CTNNA3: variants seen among roughly 807,000 people sequenced by gnomAD.
The protein encoded by CTNNA3 is catenin alpha-3.
A neutral mutation model predicts 95.7 loss-of-function variants in CTNNA3; 76 were observed. The ratio of observed to expected loss-of-function variants is 0.79; its 90% confidence interval spans 0.66 to 0.96. CTNNA3 has a LOEUF of 0.96. CTNNA3 is among the 40% of genes least tolerant of loss of function. The pLI is 0.00. For synonymous variants in CTNNA3, 431 were observed against 374.4 expected (o/e 1.15, Z -1.74); for missense variants, 1,191 against 1,089.8 (o/e 1.09, Z -1.31).
At chr10:67,385,276 C>T (rs1844109720) in intron 5 of CTNNA3, among the ~76,000 whole-genome samples, 2 of 152,246 alleles carry the variant, frequency 1.3e-5, no homozygotes, top group Admixed American at 1.3e-4. Flanking sequence ...GCCATCTGCA[C>T]ACTTGTGGTT....
intron 2 of CTNNA3, among the ~76,000 whole-genome samples, chr10:67,612,552 G>C (rs1346835194): frequency 3.3e-5 from 5 of 152,102 alleles, no homozygotes; most frequent in African/African-American, 4.8e-5. Context: ...GGTAAACACA[G>C]GCAATAGGGT....
intron 13 of CTNNA3, among the ~76,000 whole-genome samples, chr10:66,271,033 T>C (rs1285169038): frequency 6.6e-6 from 1 of 152,180 alleles, no homozygotes; most frequent in East Asian, 1.9e-4. Context: ...CATTGAGCTG[T>C]TGTATTCTCC....
At position 66,032,153 on chromosome 10, in the gene CTNNA3, T is replaced by C. The variant is rs11814987; in HGVS notation, c.2159+37155A>G. On this transcript the variant is annotated intron_variant, in intron 15 of 17. Transcript: ENST00000433211. ...AGTGGGAGAGGACATTTTTAAAAAA[T>C]ATATCCTTACATATTATTAGATTTT... Among the ~76,000 whole-genome samples, 1,303 of 152,296 alleles carry C rather than the reference T, an allele frequency of 8.6e-3. 8 individuals carry two copies. Among genetic ancestry groups the C allele is most frequent in the Non-Finnish European group, 0.016 (1,055 of 68,012 alleles).
chr10:67,018,609 C>T (rs1000170137), intron 7 of CTNNA3, among the ~76,000 whole-genome samples: 2 of 152,186 alleles, frequency 1.3e-5, no homozygotes, highest in African/African-American at 4.8e-5. Flanking sequence ...AGTCTGTGGG[C>T]TCTGGAGCCA....
chr10:66,317,144 T>C (rs2092112622), intron 12 of CTNNA3, among the ~76,000 whole-genome samples: 1 of 152,098 alleles, frequency 6.6e-6, no homozygotes, highest in Admixed American at 6.5e-5. Flanking sequence ...GACAATAAGA[T>C]AAAATACAAA....
At chr10:66,389,378 G>C (rs1011751835) in intron 11 of CTNNA3, among the ~76,000 whole-genome samples, 8 of 152,094 alleles carry the variant, frequency 5.3e-5, no homozygotes, top group African/African-American at 1.7e-4. Context: ...CAGAGTATCA[G>C]CTTAACATTT....
At chr10:67,193,182 C>G (rs1863197397) in intron 6 of CTNNA3, among the ~76,000 whole-genome samples, 1 of 151,826 alleles carries the variant, frequency 6.6e-6, no homozygotes, top group Non-Finnish European at 1.5e-5. Flanking sequence ...TTCTGGGGAT[C>G]TAATGTACAA....
At chr10:67,659,446 C>T (rs772403288) in intron 1 of CTNNA3, among the ~76,000 whole-genome samples, 31 of 152,298 alleles carry the variant, frequency 2.0e-4, no homozygotes, top group Non-Finnish European at 3.5e-4. Flanking sequence ...TGGTCAGTTA[C>T]TCTATGTAGC....
At chr10:66,273,078 T>C (rs1034055698) in intron 13 of CTNNA3, among the ~76,000 whole-genome samples, 3 of 152,226 alleles carry the variant, frequency 2.0e-5, no homozygotes, top group African/African-American at 7.2e-5. Context: ...ACTGTAGATC[T>C]TAGTAACCTT....
chr10:67,694,724 A>G (rs1402782697), intron 1 of CTNNA3, among the ~76,000 whole-genome samples: 1 of 152,146 alleles, frequency 6.6e-6, no homozygotes, highest in Non-Finnish European at 1.5e-5. Context: ...AATTTTATCT[A>G]TACTATTATT....
At chr10:67,729,766 C>G (rs978469452) in intron 1 of CTNNA3, among the ~76,000 whole-genome samples, 3 of 151,998 alleles carry the variant, frequency 2.0e-5, no homozygotes, top group African/African-American at 7.2e-5. Context: ...CATTTTAGAA[C>G]TAGATAGAGG....
Position 66,352,827 on chromosome 10 carries a change from C to A in CTNNA3, c.1732+26325G>T, listed in dbSNP as rs1237491651. ...TATTATGCACTATATTCTTATCTGG[C>A]AAAACTATTTTTAAAAGAAATAACA... On this transcript the variant is annotated intron_variant, in intron 12 of 17. Coordinates refer to ENST00000433211, the MANE Select transcript of CTNNA3 (RefSeq NM_013266.4). Among the ~76,000 whole-genome samples, 7 of 152,030 alleles carry A rather than the reference C, an allele frequency of 4.6e-5. No homozygotes were observed. The South Asian group carries it at 1.0e-3, about 23-fold the overall frequency.
At chr10:66,855,414 A>C (rs1843651809) in intron 7 of CTNNA3, among the ~76,000 whole-genome samples, 2 of 152,004 alleles carry the variant, frequency 1.3e-5, no homozygotes, top group African/African-American at 4.8e-5. Context: ...AATTAATATG[A>C]TAAGTGTAAT....
At chr10:67,168,985 C>T (rs1861899118) in intron 7 of CTNNA3, among the ~76,000 whole-genome samples, 2 of 152,094 alleles carry the variant, frequency 1.3e-5, no homozygotes, top group Admixed American at 6.6e-5. Flanking sequence ...TATTCCTACA[C>T]ACCAATAACA....
At chr10:67,337,652 T>C (rs1028416284) in intron 5 of CTNNA3, among the ~76,000 whole-genome samples, 1 of 152,088 alleles carries the variant, frequency 6.6e-6, no homozygotes, top group Non-Finnish European at 1.5e-5. Flanking sequence ...TTAATAGGTC[T>C]AACTTCATTG....
chr10:66,628,023 C>T (rs975282433), intron 9 of CTNNA3, among the ~76,000 whole-genome samples: 1 of 152,076 alleles, frequency 6.6e-6, no homozygotes, highest in Admixed American at 6.6e-5. Flanking sequence ...CACACTCTCG[C>T]ATTATAGCGA....
intron 7 of CTNNA3, among the ~76,000 whole-genome samples, chr10:67,048,156 C>A (rs1040154900): frequency 2.0e-5 from 3 of 152,062 alleles, no homozygotes; most frequent in Non-Finnish European, 4.4e-5. Context: ...TACCTCTGTT[C>A]ATCCCCTGCC....
At chr10:66,087,136 TGG>T (rs2081014178) in intron 14 of CTNNA3, among the ~76,000 whole-genome samples, 3 of 152,034 alleles carry the variant, frequency 2.0e-5, no homozygotes, top group Non-Finnish European at 2.9e-5. Context: ...AAAAGATTTG[TGG>T]GCTATGTAAA....
chr10:66,732,720 AT>A (rs1848999935), intron 9 of CTNNA3, among the ~76,000 whole-genome samples: 1 of 152,088 alleles, frequency 6.6e-6, no homozygotes, highest in Admixed American at 6.6e-5. Context: ...ACCCATGGGG[AT>A]TATGGAAAAT....
Sources: gnomAD v4.1 joint callset for allele counts (sites outside exome capture counted in the v4.1 genomes callset) on GRCh38, gnomAD v4.1.1 for gene constraint, MANE v1.5 for transcripts, NCBI Gene and HGNC (gene_info 2026-07-23, HGNC 2026-07-21) for gene names.